SORBS2: variants seen among roughly 807,000 people sequenced by gnomAD.
SORBS2 encodes the protein sorbin and SH3 domain containing 2, also known as sorbin and SH3 domain-containing protein 2.
In SORBS2, 46 loss-of-function variants were observed where a neutral mutation model predicts 97.7. The observed-to-expected ratio is 0.47, with a 90% CI of 0.37 to 0.60. SORBS2 has a LOEUF of 0.60. Among genes scored for constraint, SORBS2 ranks in the 20% least tolerant of loss-of-function variants. The pLI is 0.00. For missense variants in SORBS2, 1,316 were observed against 1,282.3 expected (o/e 1.03, Z -0.40); for synonymous variants, 476 against 473.4 (o/e 1.01, Z -0.07).
intron 2 of SORBS2, among the ~76,000 whole-genome samples, chr4:185,743,783 T>C (rs1257697032): frequency 6.6e-6 from 1 of 151,298 alleles, no homozygotes; most frequent in Non-Finnish European, 1.5e-5. Context: ...TTTCTTCTCC[T>C]TCTTCTTCTT....
Position 185,756,252 on chromosome 4 carries a change from G to A in SORBS2, c.-198+18975C>T, listed in dbSNP as rs181525998. ...CAAGTCATGACTCATATTAGAACAC[G>A]TAACTCTGTAAAATTTAAAGATTTT... On this transcript the variant is annotated intron_variant, in intron 2 of 20. Coordinates refer to the SORBS2 transcript ENST00000284776. 2.8e-3 allele frequency among the ~76,000 whole-genome samples: 417 copies of A among 150,554 alleles called. 7 individuals carry two copies. In the South Asian group the frequency reaches 0.043, roughly 16 times the overall value.
At chr4:185,720,119 C>T (rs74462361) in intron 2 of SORBS2, among the ~76,000 whole-genome samples, 2,780 of 152,250 alleles carry the variant, frequency 0.018, 82 homozygotes, top group African/African-American at 0.063. Flanking sequence ...CCATGTTTAG[C>T]GCTGAGAAAG....
At chr4:185,762,027 G>A (rs1039636710) in intron 2 of SORBS2, among the ~76,000 whole-genome samples, 3 of 152,162 alleles carry the variant, frequency 2.0e-5, no homozygotes, top group Admixed American at 1.3e-4. Flanking sequence ...GGGGTTACAC[G>A]GAAGGCAGAG....
chr4:185,800,364 A>G (rs1561109639), intron 1 of SORBS2, among the ~76,000 whole-genome samples: 1 of 152,178 alleles, frequency 6.6e-6, no homozygotes, highest in Admixed American at 6.5e-5. Context: ...TTTCAGACCC[A>G]GCGTATGAAG....
intron 12 of SORBS2, among the ~76,000 whole-genome samples, chr4:185,605,443 T>C (rs1277233404): frequency 4.0e-5 from 6 of 151,896 alleles, no homozygotes; most frequent in African/African-American, 7.3e-5. Flanking sequence ...ACACCATGTC[T>C]GACTAATTTT....
intron 4 of SORBS2, among the ~76,000 whole-genome samples, chr4:185,663,581 C>T (rs73013614): frequency 0.014 from 2,109 of 152,336 alleles, 36 homozygotes; most frequent in African/African-American, 0.048. Flanking sequence ...CTGCCCAAAT[C>T]TTCAGAGCTT....
At chr4:185,673,963 A>T (rs1398845736) in intron 4 of SORBS2, among the ~76,000 whole-genome samples, 1 of 152,102 alleles carries the variant, frequency 6.6e-6, no homozygotes, top group Non-Finnish European at 1.5e-5. Flanking sequence ...CACTGCTTTC[A>T]GTCTCCTCCA....
intron 1 of SORBS2, among the ~76,000 whole-genome samples, chr4:185,837,715 T>C (rs1293187568): frequency 6.6e-6 from 1 of 152,186 alleles, no homozygotes; most frequent in African/African-American, 2.4e-5. Context: ...TTGCAAAGCC[T>C]ATAATCTCTA....
intron 4 of SORBS2, among the ~76,000 whole-genome samples, chr4:185,637,132 T>A (rs1036811420): frequency 6.6e-6 from 1 of 152,272 alleles, no homozygotes; most frequent in African/African-American, 2.4e-5. Flanking sequence ...GGTACAGTCA[T>A]GTGTTGCATA....
At chr4:185,820,191 G>A (rs1166449321) in intron 1 of SORBS2, among the ~76,000 whole-genome samples, 1 of 152,178 alleles carries the variant, frequency 6.6e-6, no homozygotes, top group African/African-American at 2.4e-5. Flanking sequence ...CAAAAGAATG[G>A]TCCAGACGGT....
At chr4:185,683,007 C>A (rs2097894616) in intron 2 of SORBS2, among the ~76,000 whole-genome samples, 1 of 133,522 alleles carries the variant, frequency 7.5e-6, no homozygotes. Flanking sequence ...GCAAGACCCA[C>A]CCGTCTCAAA....
intron 4 of SORBS2, among the ~76,000 whole-genome samples, chr4:185,633,813 G>T (rs969991235): frequency 1.3e-5 from 2 of 151,050 alleles, no homozygotes; most frequent in Non-Finnish European, 2.9e-5. Flanking sequence ...TGAAAAATGA[G>T]TGAATTGGAC....
At chr4:185,923,286 G>A (rs1018277031) in intron 1 of SORBS2, among the ~76,000 whole-genome samples, 46 of 151,896 alleles carry the variant, frequency 3.0e-4, no homozygotes, top group Non-Finnish European at 5.9e-5. Context: ...TATTCTTTGG[G>A]ATCAGTCATA....
chr4:185,648,129 GT>G (rs57907928), intron 3 of SORBS2, among the ~76,000 whole-genome samples: 127 of 143,288 alleles, frequency 8.9e-4, no homozygotes, highest in Admixed American at 1.3e-3. Context: ...ATTTTTATTT[GT>G]TTTTTTTTTT....
At chr4:185,941,102 G>T (rs2099271772) in intron 1 of SORBS2, among the ~76,000 whole-genome samples, 1 of 152,168 alleles carries the variant, frequency 6.6e-6, no homozygotes, top group African/African-American at 2.4e-5. Flanking sequence ...TATTATCACA[G>T]CACTTATCTG....
intron 2 of SORBS2, among the ~76,000 whole-genome samples, chr4:185,733,079 C>T (rs149015618): frequency 0.016 from 2,407 of 152,296 alleles, 23 homozygotes; most frequent in Non-Finnish European, 0.024. Flanking sequence ...TACACCCCCA[C>T]GTAGAGTGTG....
chr4:185,948,363 A>T (rs77520267), intron 1 of SORBS2, among the ~76,000 whole-genome samples: 2 of 152,118 alleles, frequency 1.3e-5, no homozygotes, highest in Admixed American at 6.5e-5. Context: ...CCTAATATAC[A>T]TTAGCCCTCC....
rs142307038 is a variant in SORBS2, at chr4:185,785,497, A to G, written c.-337-10131T>C. Among the ~76,000 whole-genome samples, 1,067 of 152,304 alleles carry G rather than the reference A, an allele frequency of 7.0e-3. 43 individuals carry two copies. Among genetic ancestry groups the G allele is most frequent in the Admixed American group, 0.063 (957 of 15,294 alleles). On this transcript the variant is annotated intron_variant, in intron 1 of 20. Coordinates refer to the SORBS2 transcript ENST00000284776. ...GTGTAAATATTTTGTCTTTCTAGTC[A>G]CATGTGCCAAGAGCTGTGTGAGAGT...
At chr4:185,690,511 T>C (rs1364594089) in intron 2 of SORBS2, 51 bp downstream of exon 4, 2 of 1,317,716 alleles carry the variant, frequency 1.5e-6, no homozygotes, top group Admixed American at 2.2e-5. Flanking sequence ...AGGGCCAACA[T>C]GATTTTTAGA....
Sources: allele counts gnomAD v4.1 joint callset (sites outside exome capture counted in the v4.1 genomes callset), GRCh38; gene constraint gnomAD v4.1.1; transcripts MANE v1.5; gene names NCBI Gene and HGNC (gene_info 2026-07-23, HGNC 2026-07-21).